CNTN6: variants seen among roughly 807,000 people sequenced by gnomAD.
CNTN6 encodes contactin-6.
Under a neutral mutation model 122.8 loss-of-function variants are expected in CNTN6, and 137 were observed. The observed-to-expected ratio is 1.12, with a 90% CI of 0.97 to 1.29. The LOEUF (loss-of-function observed/expected upper bound fraction) is 1.29. Among genes scored for constraint, CNTN6 ranks in the 50% most tolerant of loss-of-function variants. CNTN6 has a pLI of 0.00. For missense variants in CNTN6, 1,634 were observed against 1,223.4 expected (o/e 1.34, Z -5.01); for synonymous variants, 570 against 426.0 (o/e 1.34, Z -4.16).
At position 1,372,440 on chromosome 3, in the gene CNTN6, A is replaced by G. The variant is rs1379081720; in HGVS notation, c.1634A>G (p.Lys545Arg). The G allele has an allele frequency of 6.2e-7, 1 of 1,612,082 alleles. No individual in the cohort carries two copies. Among genetic ancestry groups the G allele is most frequent in the Non-Finnish European group, 8.5e-7 (1 of 1,179,222 alleles). Reference sequence around the variant, plus strand: ...TTCAATGGAGATGTCATAGACTTAAAAAAAGGAGTGGCTCATTTTGAAAGG... The same window carrying G: ...TTCAATGGAGATGTCATAGACTTAAGAAAAGGAGTGGCTCATTTTGAAAGG... ...WFFNGDVIDL[K>R]KGVAHFERIG... The change falls in exon 13 of 23, where the codon AAA (lysine) becomes AGA (arginine). Residue 545 changes from lysine (K) to arginine (R), a missense_variant. Lys to Arg is a conservative substitution (Grantham distance 26). Transcript: ENST00000446702.
intron 19 of CNTN6, among the ~76,000 whole-genome samples, chr3:1,384,812 CATATAT>C (rs60437325): frequency 3.4e-4 from 40 of 118,496 alleles, no homozygotes; most frequent in African/African-American, 1.3e-3. Context: ...CACACACACA[CATATAT>C]ATATATATAT....
At chr3:1,327,365 A>C (rs1701677178) in intron 9 of CNTN6, 92 bp from the exon 10 acceptor site, 1 of 1,301,514 alleles carries the variant, frequency 7.7e-7, no homozygotes, top group African/African-American at 1.5e-5. Flanking sequence ...CAGATCTCAT[A>C]GATATACACA....
intron 11 of CNTN6, among the ~76,000 whole-genome samples, chr3:1,339,305 A>T (rs1020605474): frequency 2.0e-5 from 3 of 152,158 alleles, no homozygotes; most frequent in African/African-American, 7.2e-5. Context: ...TCCAAGGAGC[A>T]TAGTTTGAGG....
chr3:1,281,078 C>A (rs780739307), intron 5 of CNTN6, among the ~76,000 whole-genome samples: 2 of 152,172 alleles, frequency 1.3e-5, no homozygotes, highest in Non-Finnish European at 2.9e-5. Context: ...TTCTTTAAAT[C>A]AACCTGTGCC....
At chr3:1,120,495 A>G (rs2125057892) in intron 1 of CNTN6, among the ~76,000 whole-genome samples, 1 of 152,066 alleles carries the variant, frequency 6.6e-6, no homozygotes, top group African/African-American at 2.4e-5. Flanking sequence ...TTTACTTTGT[A>G]AAGTGTTTAT....
At chr3:1,321,887 A>G in intron 8 of CNTN6, 53 bp downstream of exon 8, 1 of 1,431,356 alleles carries the variant, frequency 7.0e-7, no homozygotes, top group East Asian at 2.4e-5. Context: ...TGCCCTTCAT[A>G]ATAAATTGTG....
intron 2 of CNTN6, among the ~76,000 whole-genome samples, chr3:1,179,936 C>T (rs772776264): frequency 5.3e-5 from 8 of 152,156 alleles, no homozygotes; most frequent in Non-Finnish European, 1.2e-4. Flanking sequence ...ACCAGGTGAG[C>T]AAATGCTAGC....
At chr3:1,332,524 A>AAGGG (rs1164161266) in intron 11 of CNTN6, among the ~76,000 whole-genome samples, 1 of 89,658 alleles carries the variant, frequency 1.1e-5, no homozygotes, top group Non-Finnish European at 2.3e-5. Flanking sequence ...GGAAGGAAGG[A>AAGGG]AGGAAGGAGG....
chr3:1,378,945 C>T (rs1559969524), intron 17 of CNTN6, among the ~76,000 whole-genome samples: 1 of 152,146 alleles, frequency 6.6e-6, no homozygotes, highest in African/African-American at 2.4e-5. Flanking sequence ...CACTGACTTT[C>T]AAATGAGTCT....
At chr3:1,119,580 G>A (rs1164568440) in intron 1 of CNTN6, among the ~76,000 whole-genome samples, 1 of 151,794 alleles carries the variant, frequency 6.6e-6, no homozygotes, top group Non-Finnish European at 1.5e-5. Context: ...AGAGCCACAA[G>A]ACTAAAAGAG....
At position 1,187,874 on chromosome 3, in the gene CNTN6, G is replaced by A. The variant is rs1167718061; in HGVS notation, c.56-32813G>A. ...GTGAAACAAGAAGTCTGTATGGTTG[G>A]TTGGGCACCGTATGGTTGGTTGGGC... is the stretch of plus-strand genomic sequence containing the variant. On this transcript the variant is annotated intron_variant, in intron 2 of 22. Coordinates refer to ENST00000446702, the MANE Select transcript of CNTN6 (RefSeq NM_001289080.2). Among the ~76,000 whole-genome samples, 4 of 152,104 alleles carry A rather than the reference G, an allele frequency of 2.6e-5. No homozygotes were observed. In the East Asian group the frequency reaches 7.7e-4, roughly 29 times the overall value.
At chr3:1,239,968 C>T (rs1484274276) in intron 4 of CNTN6, among the ~76,000 whole-genome samples, 3 of 151,926 alleles carry the variant, frequency 2.0e-5, no homozygotes, top group African/African-American at 7.3e-5. Flanking sequence ...ATTGAAAAGC[C>T]CAGTGTAGAA....
At chr3:1,140,168 A>G (rs974655531) in intron 1 of CNTN6, among the ~76,000 whole-genome samples, 16 of 152,214 alleles carry the variant, frequency 1.1e-4, no homozygotes, top group Non-Finnish European at 2.9e-5. Context: ...ACGGAAAGTC[A>G]ACACTACAAA....
At chr3:1,096,781 G>C (rs143470770) in intron 1 of CNTN6, among the ~76,000 whole-genome samples, 1 of 152,226 alleles carries the variant, frequency 6.6e-6, no homozygotes, top group Non-Finnish European at 1.5e-5. Context: ...GTCCCCCAAA[G>C]GTCCATGATT....
At chr3:1,112,195 G>A (rs986208097) in intron 1 of CNTN6, among the ~76,000 whole-genome samples, 1 of 152,156 alleles carries the variant, frequency 6.6e-6, no homozygotes, top group South Asian at 2.1e-4. Flanking sequence ...CTTTCTAAAA[G>A]AGCTCACAGC....
Position 1,227,929 on chromosome 3 carries a change from C to A in CNTN6, c.294C>A (p.Tyr98Ter), listed in dbSNP as rs746280088. The stretch of plus-strand genomic sequence containing the variant: ...ACACAGATCAAGATATTGGCATGTA[C>A]CAGTGCCTGGCCACCAATCTTCTGG... ...SPHTDQDIGM[Y>*]QCLATNLLGT... Residue 98 changes from tyrosine (Y) to a stop codon, truncating the protein, a stop_gained, in exon 4 of 23, where the codon TAC becomes TAA. Coordinates refer to ENST00000446702, the MANE Select transcript of CNTN6 (RefSeq NM_001289080.2). LOFTEE classifies it high-confidence loss of function. 6.2e-7 allele frequency: 1 copy of A among 1,613,866 alleles called. No individual in the cohort carries two copies. Among genetic ancestry groups the A allele is most frequent in the African/African-American group, 1.3e-5 (1 of 74,892 alleles).
intron 4 of CNTN6, among the ~76,000 whole-genome samples, chr3:1,261,920 C>T (rs1159353376): frequency 1.3e-5 from 2 of 151,990 alleles, no homozygotes; most frequent in Non-Finnish European, 1.5e-5. Context: ...TATACTTGGC[C>T]CTAGTATTTC....
chr3:1,391,649 G>C (rs1442476365), intron 20 of CNTN6, among the ~76,000 whole-genome samples: 2 of 151,402 alleles, frequency 1.3e-5, no homozygotes, highest in Non-Finnish European at 2.9e-5. Flanking sequence ...TGTATATCTA[G>C]AAAACCCCAT....
At chr3:1,145,525 G>C (rs1054343081) in intron 1 of CNTN6, among the ~76,000 whole-genome samples, 3 of 152,122 alleles carry the variant, frequency 2.0e-5, no homozygotes, top group African/African-American at 7.2e-5. Context: ...CGTTAAATAA[G>C]TGTACCATGT....
Sources: gnomAD v4.1 joint callset for allele counts (sites outside exome capture counted in the v4.1 genomes callset) on GRCh38, gnomAD v4.1.1 for gene constraint, MANE v1.5 for transcripts, NCBI Gene and HGNC (gene_info 2026-07-23, HGNC 2026-07-21) for gene names.